Variants in DISC1 observed in about 807,000 individuals in gnomAD.
DISC1 encodes disrupted in schizophrenia 1 protein.
A neutral mutation model predicts 84.5 loss-of-function variants in DISC1; 57 were observed. The ratio of observed to expected loss-of-function variants is 0.67; its 90% CI spans 0.55 to 0.84. The LOEUF (loss-of-function observed/expected upper bound fraction) is 0.84, where lower values mean the gene tolerates loss of function less well. Among genes scored for constraint, DISC1 ranks in the 40% least tolerant of loss-of-function variants. The pLI, the probability that DISC1 is intolerant of heterozygous loss-of-function variation, is 0.00. For synonymous variants in DISC1, 411 were observed against 415.2 expected (o/e 0.99, Z 0.12); for missense variants, 1,000 against 1,057.8 (o/e 0.95, Z 0.76).
intron 10 of DISC1, among the ~76,000 whole-genome samples, chr1:231,998,550 C>T (rs1405061349): frequency 6.6e-6 from 1 of 152,170 alleles, no homozygotes; most frequent in Non-Finnish European, 1.5e-5. Flanking sequence ...CCTCAGACTT[C>T]TCAATAGAAC....
chr1:231,905,448 C>T (rs918983486), intron 9 of DISC1, among the ~76,000 whole-genome samples: 6 of 152,066 alleles, frequency 3.9e-5, no homozygotes, highest in South Asian at 2.1e-4. Context: ...GTGAGACCCC[C>T]GTCTCCACAA....
Position 231,826,321 on chromosome 1 carries a change from A to G in DISC1, c.1981+7804A>G, listed in dbSNP as rs1027564483. 3.3e-5 allele frequency among the ~76,000 whole-genome samples: 5 copies of G among 152,180 alleles called. No individual in the cohort carries two copies. The highest frequency in any genetic ancestry group is 7.4e-5 in the Non-Finnish European group (5 of 68,024). Reference sequence around the variant, plus strand: ...ATTCCTAACGTCAGTCTCTCTATCCATCCCGCAACCTCATCACCCTACCTA... The same window carrying G: ...ATTCCTAACGTCAGTCTCTCTATCCGTCCCGCAACCTCATCACCCTACCTA... On this transcript the variant is annotated intron_variant, in intron 9 of 12. Coordinates refer to ENST00000439617, the MANE Select transcript of DISC1 (RefSeq NM_018662.3). This position sits in a 1 kb window ranked among gnomAD's most constrained non-coding sequence, Gnocchi z 4.2.
At chr1:231,680,996 A>T (rs2063631788) in intron 1 of DISC1, among the ~76,000 whole-genome samples, 1 of 152,216 alleles carries the variant, frequency 6.6e-6, no homozygotes, top group Admixed American at 6.5e-5. Context: ...AGTTGTTTTG[A>T]AATAACAGCT....
chr1:231,981,099 A>G (rs1306307401), intron 10 of DISC1, among the ~76,000 whole-genome samples: 1 of 152,014 alleles, frequency 6.6e-6, no homozygotes, highest in Non-Finnish European at 1.5e-5. Flanking sequence ...ACACACCACC[A>G]TGTCTGGCTA....
intron 9 of DISC1, among the ~76,000 whole-genome samples, chr1:231,953,032 G>A (rs780830289): frequency 9.9e-5 from 15 of 152,098 alleles, no homozygotes; most frequent in Non-Finnish European, 1.8e-4. Flanking sequence ...TCCCTTACTG[G>A]CAGTGTGACT....
intron 1 of DISC1, among the ~76,000 whole-genome samples, chr1:231,683,168 T>G (rs756617465): frequency 6.6e-6 from 1 of 152,176 alleles, no homozygotes; most frequent in Non-Finnish European, 1.5e-5. Context: ...TAGAAAAAGA[T>G]TGGGGGAGAG....
Position 231,685,901 on chromosome 1 carries a change from G to A in DISC1, c.68-7925G>A, listed in dbSNP as rs112926654. Reference sequence around the variant, plus strand: ...GTACCAGTATTGGGTAAATACAGCTGTTCCAAATAGGAGAAATTGGCCAAA... The same window carrying A: ...GTACCAGTATTGGGTAAATACAGCTATTCCAAATAGGAGAAATTGGCCAAA... On this transcript the variant is annotated intron_variant, in intron 1 of 12. Transcript: ENST00000439617. Among the ~76,000 whole-genome samples, 370 of 152,306 alleles carry A rather than the reference G, an allele frequency of 2.4e-3. 6 individuals are homozygous for A. The highest frequency in any genetic ancestry group is 8.5e-3 in the African/African-American group (352 of 41,566).
In DISC1 at chr1:231,983,595, C is replaced by A. The variant is rs866616270; in HGVS notation, c.2042+24707C>A. On this transcript the variant is annotated intron_variant, in intron 10 of 12. Transcript: ENST00000439617. ...GCAGGGAGGGAGGTAGTGGGTGGGG[C>A]AGTAGGGGAGAGGGGGTTGGGGGGT... is the stretch of plus-strand genomic sequence containing the variant. Among the ~76,000 whole-genome samples, 522 of 54,346 alleles carry A rather than the reference C, an allele frequency of 9.6e-3. 8 individuals carry two copies. The highest frequency in any genetic ancestry group is 0.037 in the African/African-American group (490 of 13,140). The allele number at this position is 54,346 out of a possible 152,430, so 35.7% of individuals were successfully genotyped here. A position where few individuals can be genotyped will look rare whatever the true frequency, so the allele number is the denominator to read the frequency against.
intron 3 of DISC1, among the ~76,000 whole-genome samples, chr1:231,726,295 C>G (rs928935679): frequency 1.2e-4 from 19 of 152,206 alleles, no homozygotes; most frequent in African/African-American, 4.6e-4. Flanking sequence ...AGTGGGCTTC[C>G]TAATACCAAA....
chr1:231,957,030 A>G (rs1659632572), intron 9 of DISC1, among the ~76,000 whole-genome samples: 1 of 152,204 alleles, frequency 6.6e-6, no homozygotes, highest in Admixed American at 6.5e-5. Flanking sequence ...AGAGGGAAAT[A>G]GTCTTTACCT....
At chr1:231,899,656 A>C (rs1488472956) in intron 9 of DISC1, among the ~76,000 whole-genome samples, 3 of 152,254 alleles carry the variant, frequency 2.0e-5, no homozygotes, top group African/African-American at 2.4e-5. Context: ...TTTTAATAAT[A>C]ATCATCATTA....
intron 9 of DISC1, among the ~76,000 whole-genome samples, chr1:231,906,019 C>CTTTTTTTTTT (rs5781677): frequency 1.3e-5 from 1 of 76,972 alleles, no homozygotes; most frequent in Non-Finnish European, 2.4e-5. Context: ...GAGGTCATGG[C>CTTTTTTTTTT]TTTTTTTTTT....
intron 3 of DISC1, among the ~76,000 whole-genome samples, chr1:231,728,858 T>C (rs886896494): frequency 2.0e-5 from 3 of 152,240 alleles, no homozygotes; most frequent in Admixed American, 1.3e-4. Context: ...ATATTTTTAT[T>C]ATGCTTTAAG....
intron 9 of DISC1, among the ~76,000 whole-genome samples, chr1:231,923,393 G>T (rs528505183): frequency 2.6e-5 from 4 of 151,960 alleles, no homozygotes; most frequent in South Asian, 2.1e-4. Context: ...GCTCCCTGGG[G>T]CCCTGTCCAG....
At chr1:231,935,585 G>C (rs1448298784) in intron 9 of DISC1, among the ~76,000 whole-genome samples, 1 of 152,184 alleles carries the variant, frequency 6.6e-6, no homozygotes, top group Non-Finnish European at 1.5e-5. Flanking sequence ...TGTAATCCTG[G>C]TGTTAAGGGG....
At chr1:231,650,877 G>C (rs574072487) in intron 1 of DISC1, among the ~76,000 whole-genome samples, 1 of 151,958 alleles carries the variant, frequency 6.6e-6, no homozygotes, top group Admixed American at 6.6e-5. Context: ...TTGTGCATGC[G>C]TCATGTAGTT....
At chr1:231,791,920 G>C (rs2078380286) in intron 6 of DISC1, among the ~76,000 whole-genome samples, 1 of 152,128 alleles carries the variant, frequency 6.6e-6, no homozygotes, top group Non-Finnish European at 1.5e-5. Context: ...TTGTACCCTA[G>C]GCCAGACACC....
chr1:231,975,638 T>TGAAAGAATGAAAATAC (rs1296916181), intron 10 of DISC1, among the ~76,000 whole-genome samples: 4 of 152,112 alleles, frequency 2.6e-5, no homozygotes, highest in Non-Finnish European at 2.9e-5. Context: ...TACAAATGCA[T>TGAAAGAATGAAAATAC]AAAAAGAATG....
At chr1:231,879,775 T>C (rs2086161636) in intron 9 of DISC1, among the ~76,000 whole-genome samples, 1 of 152,006 alleles carries the variant, frequency 6.6e-6, no homozygotes, top group Non-Finnish European at 1.5e-5. Flanking sequence ...TAGATGGTAG[T>C]GTTTGAACTC....
Sources: gnomAD v4.1 joint callset for allele counts (sites outside exome capture counted in the v4.1 genomes callset) on GRCh38, gnomAD v4.1.1 for gene constraint, Gnocchi (gnomAD v3.1) non-coding constraint, MANE v1.5 for transcripts, NCBI Gene and HGNC (gene_info 2026-07-23, HGNC 2026-07-21) for gene names.